The following NEO1 variants were observed in gnomAD, a reference collection of about 807,000 sequenced individuals.
NEO1 encodes neogenin.
A neutral mutation model predicts 159.7 loss-of-function variants in NEO1; 63 were observed. The observed-to-expected ratio is 0.39, with a 90% CI of 0.32 to 0.49. The LOEUF (loss-of-function observed/expected upper bound fraction) is 0.49, where lower values mean the gene tolerates loss of function less well. Among genes scored for constraint, NEO1 ranks in the 20% least tolerant of loss-of-function variants. The probability of loss-of-function intolerance (pLI) is 0.85; values close to 1 mark genes in which losing one functional copy is unlikely to be tolerated. For synonymous variants in NEO1, 633 were observed against 662.0 expected, an observed-to-expected ratio of 0.96 and a Z score of 0.67; for missense variants, 1,615 against 1,831.0, an observed-to-expected ratio of 0.88 and a Z score of 2.15.
At chr15:73,201,032 C>T (rs2152054867) in intron 7 of NEO1, among the ~76,000 whole-genome samples, 1 of 152,154 alleles carries the variant, frequency 6.6e-6, no homozygotes, top group East Asian at 1.9e-4. Context: ...GCCCCTCTTT[C>T]ATATCTGATA....
At chr15:73,237,906 G>A (rs1271899750) in intron 8 of NEO1, among the ~76,000 whole-genome samples, 1 of 152,072 alleles carries the variant, frequency 6.6e-6, no homozygotes, top group Non-Finnish European at 1.5e-5. Flanking sequence ...CTCTTATTGT[G>A]CGTTCTACCA....
intron 5 of NEO1, among the ~76,000 whole-genome samples, chr15:73,145,815 G>C (rs1055378838): frequency 4.6e-5 from 7 of 152,064 alleles, no homozygotes; most frequent in East Asian, 1.9e-4. Context: ...CCTTCTCCCT[G>C]TAATTTTCAG....
At chr15:73,202,134 T>C (rs2036935526) in intron 7 of NEO1, among the ~76,000 whole-genome samples, 1 of 151,948 alleles carries the variant, frequency 6.6e-6, no homozygotes, top group African/African-American at 2.4e-5. Flanking sequence ...TGGCTATTTT[T>C]GTGTTTTTAG....
At position 73,301,590 on chromosome 15, in the gene NEO1, A is replaced by C; in HGVS notation, c.4302+133A>C. On this transcript the variant is annotated intron_variant, in intron 28 of 28. Coordinates refer to ENST00000261908, the MANE Select transcript of NEO1 (RefSeq NM_002499.4). ...AACTATGAAGCAGATACACTCATTC[A>C]TTCAGTAGATACAGTGTTGAGCATC... The C allele has an allele frequency of 2.6e-6, 3 of 1,173,472 alleles. No individual in the cohort carries two copies. In the South Asian group the frequency reaches 4.4e-5, roughly 17 times the overall value. The allele number at this position is 1,173,472 out of a possible 1,614,324, so 72.7% of individuals were successfully genotyped here.
intron 5 of NEO1, among the ~76,000 whole-genome samples, chr15:73,152,228 C>T (rs1167160672): frequency 2.0e-5 from 3 of 152,178 alleles, no homozygotes; most frequent in Non-Finnish European, 4.4e-5. Context: ...GAAACAGAAT[C>T]TCTCTGATCT....
chr15:73,096,952 C>T (rs1187042094), intron 1 of NEO1, among the ~76,000 whole-genome samples: 1 of 151,920 alleles, frequency 6.6e-6, no homozygotes, highest in East Asian at 1.9e-4. Context: ...TGGTGAGACC[C>T]TGTCTCTTAA....
chr15:73,164,212 T>G (rs996645171), intron 5 of NEO1, among the ~76,000 whole-genome samples: 1 of 116,562 alleles, frequency 8.6e-6, no homozygotes, highest in African/African-American at 3.3e-5. Context: ...TATTATTGGT[T>G]TTTTTTTTTT....
At chr15:73,138,748 T>C (rs1212703791) in intron 5 of NEO1, among the ~76,000 whole-genome samples, 1 of 132,940 alleles carries the variant, frequency 7.5e-6, no homozygotes, top group Non-Finnish European at 1.5e-5. Flanking sequence ...AGAGCGAGAC[T>C]CCGTCTCAAA....
rs1287266521 is a variant in NEO1 at position 73,126,486 on chromosome 15, A to T, written c.794A>T (p.Asp265Val). 4 of 1,613,348 alleles carry T rather than the reference A, an allele frequency of 2.5e-6. No homozygotes were observed. The highest frequency in any genetic ancestry group is 3.4e-6 in the Non-Finnish European group (4 of 1,179,848). ...PSPLVRVIGQDVVLPCVASGL... is the reference protein window; with the variant it reads ...PSPLVRVIGQVVVLPCVASGL... The stretch of plus-strand genomic sequence containing the variant: ...CCCTTAGTCAGAGTCATTGGTCAGG[A>T]TGTAGTGTTGCCATGTGTTGCTTCA... The change falls in exon 4 of 29, where the codon GAT becomes GTT. Residue 265 changes from aspartate to valine, a missense_variant. Coordinates refer to ENST00000261908, the MANE Select transcript of NEO1 (RefSeq NM_002499.4).
chr15:73,157,519 G>A (rs1314057651), intron 5 of NEO1, among the ~76,000 whole-genome samples: 1 of 152,216 alleles, frequency 6.6e-6, no homozygotes, highest in Admixed American at 6.5e-5. Flanking sequence ...CAATTCCCCT[G>A]TGGAAACATG....
intron 15 of NEO1, among the ~76,000 whole-genome samples, chr15:73,261,274 A>C (rs891670341): frequency 6.6e-6 from 1 of 152,140 alleles, no homozygotes; most frequent in African/African-American, 2.4e-5. Context: ...ATATCTGGGC[A>C]CTATATCTAT....
chr15:73,272,610 A>G, intron 19 of NEO1, 48 bp downstream of exon 19: 4 of 1,285,752 alleles, frequency 3.1e-6, no homozygotes, highest in Non-Finnish European at 4.5e-6. Context: ...TTCCTGCCTG[A>G]CAGGAGTATT....
chr15:73,159,518 CGA>C (rs1278221402), intron 5 of NEO1, among the ~76,000 whole-genome samples: 1 of 151,526 alleles, frequency 6.6e-6, no homozygotes, highest in Non-Finnish European at 1.5e-5. Context: ...AAAGTTTTGG[CGA>C]AAACCACATA....
intron 7 of NEO1, among the ~76,000 whole-genome samples, chr15:73,219,048 T>C (rs2038073307): frequency 6.6e-6 from 1 of 151,004 alleles, no homozygotes; most frequent in South Asian, 2.1e-4. Flanking sequence ...CTGCTTTCTC[T>C]TGTGGGCATT....
chr15:73,176,570 C>T lies in NEO1; in HGVS notation c.1170+13C>T. On this transcript the variant is annotated intron_variant, in intron 6 of 28. Coordinates refer to ENST00000261908, the MANE Select transcript of NEO1 (RefSeq NM_002499.4). ...TTTTAAGATTGTAGTAAGTATTTTTCAAAGAAGTGTGTTTATTTCTGTAAC... is the reference window on the plus strand; with the variant it reads ...TTTTAAGATTGTAGTAAGTATTTTTTAAAGAAGTGTGTTTATTTCTGTAAC... 6.3e-7 allele frequency: 1 copy of T among 1,594,904 alleles called. No individual in the cohort carries two copies. The highest frequency in any genetic ancestry group is 8.6e-7 in the Non-Finnish European group (1 of 1,169,154).
At chr15:73,244,302 T>C in intron 8 of NEO1, 42 bp from the exon 9 acceptor site, 1 of 1,579,022 alleles carries the variant, frequency 6.3e-7, no homozygotes, top group Non-Finnish European at 8.6e-7. Context: ...TCTGGAAGTA[T>C]TCCTAATTAA....
At chr15:73,118,629 T>C (rs1245069759) in intron 2 of NEO1, among the ~76,000 whole-genome samples, 1 of 152,172 alleles carries the variant, frequency 6.6e-6, no homozygotes. Context: ...TCCTCTTTGA[T>C]ACCTTCAGGA....
At chr15:73,179,181 A>G (rs1049448913) in intron 7 of NEO1, among the ~76,000 whole-genome samples, 3 of 152,204 alleles carry the variant, frequency 2.0e-5, no homozygotes, top group African/African-American at 7.2e-5. Context: ...ATTAACATTG[A>G]TATTGGGATT....
chr15:73,068,516 T>G (rs959714268), intron 1 of NEO1, among the ~76,000 whole-genome samples: 1 of 152,114 alleles, frequency 6.6e-6, no homozygotes, highest in African/African-American at 2.4e-5. Context: ...CTGGTGTGTT[T>G]CTGTCCCTCA....
Sources: allele counts gnomAD v4.1 joint callset (sites outside exome capture counted in the v4.1 genomes callset), GRCh38; gene constraint gnomAD v4.1.1; transcripts MANE v1.5; gene names NCBI Gene and HGNC (gene_info 2026-07-23, HGNC 2026-07-21).